Variants in NTRK3 observed in about 807,000 individuals in gnomAD.
NTRK3 encodes the protein NT-3 growth factor receptor.
Under a neutral mutation model 91.7 loss-of-function variants are expected in NTRK3, and 24 were observed. The ratio of observed to expected loss-of-function variants is 0.26; its 90% CI spans 0.19 to 0.37. The LOEUF is 0.37. NTRK3 is among the 10% of genes least tolerant of loss of function. The pLI is 1.00. For synonymous variants in NTRK3, 483 were observed against 404.0 expected, an observed-to-expected ratio of 1.20 and a Z score of -2.34; for missense variants, 880 against 1,068.9, an observed-to-expected ratio of 0.82 and a Z score of 2.46.
chr15:87,861,716 G>A (rs891708459), exon 19 of NTRK3: 2 of 194,730 alleles, frequency 1.0e-5, no homozygotes, highest in Non-Finnish European at 2.1e-5. Context: ...GTAGCACTGA[G>A]CTCACCTCTA....
intron 13 of NTRK3, among the ~76,000 whole-genome samples, chr15:88,093,065 GT>G (rs1050848172): frequency 2.4e-5 from 3 of 126,276 alleles, no homozygotes; most frequent in East Asian, 4.7e-4. Flanking sequence ...GGTTTTTTTT[GT>G]TTTTTTTGTT....
exon 19 of NTRK3, chr15:87,859,802 AG>A: frequency 5.6e-6 from 1 of 177,582 alleles, no homozygotes; most frequent in Admixed American, 6.3e-5. Flanking sequence ...CTATGTCAGG[AG>A]GATACAGGTC....
intron 3 of NTRK3, among the ~76,000 whole-genome samples, chr15:88,245,905 T>C (rs927728214): frequency 1.3e-5 from 2 of 152,162 alleles, no homozygotes; most frequent in Admixed American, 1.3e-4. Context: ...TCTGGCCCAG[T>C]AGAAGGGATA....
At chr15:88,086,088 G>T (rs1456857876) in intron 13 of NTRK3, among the ~76,000 whole-genome samples, 1 of 152,214 alleles carries the variant, frequency 6.6e-6, no homozygotes, top group East Asian at 1.9e-4. Flanking sequence ...TAGGAGAGGT[G>T]TCCGATGCCT....
rs78680326 is a variant in NTRK3, at chr15:88,239,290, G to A, written c.248+16616C>T. On this transcript the variant is annotated intron_variant, in intron 3 of 18. Transcript: ENST00000394480. Reference sequence around the variant, plus strand: ...ATGAACAGCAGATCAGCTCACTGGGGCAGAGGATTCCCATGGGGAATAACG... The same window carrying A: ...ATGAACAGCAGATCAGCTCACTGGGACAGAGGATTCCCATGGGGAATAACG... 4.0e-3 allele frequency among the ~76,000 whole-genome samples: 611 copies of A among 152,268 alleles called. 1 individual carries two copies. Among genetic ancestry groups the A allele is most frequent in the African/African-American group, 0.014 (580 of 41,544 alleles).
At chr15:88,064,594 C>T (rs1335390607) in intron 13 of NTRK3, among the ~76,000 whole-genome samples, 5 of 152,212 alleles carry the variant, frequency 3.3e-5, no homozygotes, top group African/African-American at 9.6e-5. Flanking sequence ...ATGGCTAGGA[C>T]TCTGGTCTAG....
At chr15:88,029,105 T>A (rs992594069) in intron 14 of NTRK3, among the ~76,000 whole-genome samples, 1 of 152,192 alleles carries the variant, frequency 6.6e-6, no homozygotes, top group African/African-American at 2.4e-5. Flanking sequence ...GAGGGCTGTA[T>A]CCATTTCCTG....
In NTRK3 at chr15:87,892,225, G is replaced by C. The variant is rs554453968; in HGVS notation, c.2134-11797C>G. On this transcript the variant is annotated intron_variant, in intron 17 of 18. Coordinates refer to ENST00000394480, the Ensembl canonical transcript of NTRK3. ...AGGAACTGTATAAAATACTGGTACA[G>C]GTGTTGAAAATGAATCTCTAATGAT... Among the ~76,000 whole-genome samples, 7 of 152,246 alleles carry C rather than the reference G, an allele frequency of 4.6e-5. No homozygotes were observed. The South Asian group carries it at 1.5e-3, about 32-fold the overall frequency.
intron 14 of NTRK3, among the ~76,000 whole-genome samples, chr15:87,969,720 G>A (rs1479524872): frequency 6.6e-6 from 1 of 152,088 alleles, no homozygotes; most frequent in Non-Finnish European, 1.5e-5. Context: ...GCAACTCCCT[G>A]GAGAATGACC....
chr15:88,003,651 GAAGA>G (rs1269583673), intron 14 of NTRK3, among the ~76,000 whole-genome samples: 1 of 152,124 alleles, frequency 6.6e-6, no homozygotes, highest in Admixed American at 6.6e-5. Context: ...GCTCCGCTGA[GAAGA>G]AAGAGGACTG....
rs1006765345 is a variant in NTRK3, at chr15:88,215,916, G to GA, written c.249-31618dup. On this transcript the variant is annotated intron_variant, in intron 3 of 18. Coordinates refer to ENST00000394480, the Ensembl canonical transcript of NTRK3. Reference sequence around the variant, plus strand: ...ATCTAGGCTCCCCAGGTTCTCCCTGGAAAAAAACAATTCTGAAATTTGAAC... The same window carrying GA: ...ATCTAGGCTCCCCAGGTTCTCCCTGGAAAAAAAACAATTCTGAAATTTGAAC... 2.5e-4 allele frequency among the ~76,000 whole-genome samples: 38 copies of GA among 152,220 alleles called. 1 individual carries two copies. The highest frequency in any genetic ancestry group is 6.8e-3 in the Middle Eastern group (2 of 294).
chr15:87,929,361 G>C (rs2141914339), exon 17 of NTRK3: 1 of 1,614,172 alleles, frequency 6.2e-7, no homozygotes, highest in Non-Finnish European at 8.5e-7. Context: ...TGGAGCATTT[G>C]GGAGAGCCCC....
At chr15:88,065,216 C>G (rs1320168956) in intron 13 of NTRK3, among the ~76,000 whole-genome samples, 1 of 152,176 alleles carries the variant, frequency 6.6e-6, no homozygotes, top group East Asian at 1.9e-4. Flanking sequence ...AGTTCTGGCC[C>G]TATCCTCTGT....
chr15:87,939,759 A>G (rs1217662734), intron 15 of NTRK3, among the ~76,000 whole-genome samples: 1 of 151,994 alleles, frequency 6.6e-6, no homozygotes, highest in African/African-American at 2.4e-5. Flanking sequence ...GCCACTCCAG[A>G]CTCCAGAGAA....
chr15:87,965,851 G>T (rs985608678), intron 14 of NTRK3, among the ~76,000 whole-genome samples: 9 of 152,138 alleles, frequency 5.9e-5, no homozygotes, highest in Non-Finnish European at 1.2e-4. Flanking sequence ...GCCGAGGCAG[G>T]TGGATCACTT....
intron 3 of NTRK3, among the ~76,000 whole-genome samples, chr15:88,229,313 C>T (rs190765834): frequency 3.5e-4 from 54 of 152,300 alleles, no homozygotes; most frequent in Admixed American, 6.5e-4. Flanking sequence ...TATCCAACAT[C>T]CTAGAGCCCA....
At chr15:87,978,329 T>C (rs557030620) in intron 14 of NTRK3, 13 of 229,618 alleles carry the variant, frequency 5.7e-5, no homozygotes, top group African/African-American at 2.4e-4. Flanking sequence ...ATTGGTGCCA[T>C]GAGAGGGGCT....
At chr15:87,868,881 C>G in exon 19 of NTRK3, 1 of 224,026 alleles carries the variant, frequency 4.5e-6, no homozygotes, top group Non-Finnish European at 8.9e-6. Flanking sequence ...AAGACCTGCA[C>G]AAAAGACAAA....
chr15:87,931,159 A>G (rs760104785), intron 16 of NTRK3: 28 of 502,050 alleles, frequency 5.6e-5, no homozygotes, highest in Non-Finnish European at 9.1e-5. Context: ...CTTCCCTTTT[A>G]TCATGTATGA....
Sources: allele counts gnomAD v4.1 joint callset (sites outside exome capture counted in the v4.1 genomes callset), GRCh38; gene constraint gnomAD v4.1.1; transcripts MANE v1.5; gene names NCBI Gene and HGNC (gene_info 2026-07-23, HGNC 2026-07-21).